The following PRKG2 variants were observed in gnomAD, a reference collection of about 807,000 sequenced individuals.
The protein encoded by PRKG2 is cGMP-dependent protein kinase 2.
In PRKG2, 33 loss-of-function variants were observed where a neutral mutation model predicts 97.2. That is an observed-to-expected ratio of 0.34 (90% CI 0.26 to 0.45). The LOEUF (loss-of-function observed/expected upper bound fraction) is 0.45. Ranked by LOEUF, PRKG2 falls within the 20% of genes least tolerant of loss-of-function variation. The pLI is 1.00. For synonymous variants in PRKG2, 330 were observed against 321.8 expected, an observed-to-expected ratio of 1.03 and a Z score of -0.27; for missense variants, 638 against 900.0, an observed-to-expected ratio of 0.71 and a Z score of 3.73.
At chr4:81,150,031 A>G (rs1399723838) in intron 8 of PRKG2, among the ~76,000 whole-genome samples, 1 of 152,138 alleles carries the variant, frequency 6.6e-6, no homozygotes, top group South Asian at 2.1e-4. Context: ...CTTCAGTTTC[A>G]TGGACCTTTG....
intron 14 of PRKG2, among the ~76,000 whole-genome samples, chr4:81,123,330 C>A (rs1011174926): frequency 1.3e-5 from 2 of 152,178 alleles, no homozygotes; most frequent in African/African-American, 4.8e-5. Flanking sequence ...GAATTCCACC[C>A]TTTTAATTCT....
Position 81,167,109 on chromosome 4 carries a change from T to C in PRKG2, c.912+52A>G. ...TTATTTATGGTGTTAATAATATAAG[T>C]ACATTCTAATATCTTCTAATGAAAT... On this transcript the variant is annotated intron_variant, in intron 6 of 18. Transcript: ENST00000264399. 7 of 1,204,840 alleles carry C rather than the reference T, an allele frequency of 5.8e-6. No homozygotes were observed. In the South Asian group the frequency reaches 8.3e-5, roughly 14 times the overall value. 74.6% of individuals were successfully genotyped at this position (1,204,840 alleles called of 1,614,324 possible).
intron 2 of PRKG2, among the ~76,000 whole-genome samples, chr4:81,182,408 G>A (rs1751495496): frequency 6.6e-6 from 1 of 151,858 alleles, no homozygotes; most frequent in South Asian, 2.1e-4. Context: ...TCCTTAATCT[G>A]ATAAAATACA....
chr4:81,153,672 C>T lies in PRKG2; in HGVS notation c.962G>A (p.Ser321Asn), dbSNP rs1448519875. 26 of 1,602,726 alleles carry T rather than the reference C, an allele frequency of 1.6e-5. No homozygotes were observed. Among genetic ancestry groups the T allele is most frequent in the African/African-American group, 2.7e-5 (2 of 74,674 alleles). Reference sequence around the variant, plus strand: ...TCCTTTTGCCAAAATGAAAAAGGTACTTCCTTCCTCGCCCTCTCTAATGAT... The same window carrying T: ...TCCTTTTGCCAAAATGAAAAAGGTATTTCCTTCCTCGCCCTCTCTAATGAT... ...DYIIREGEEGSTFFILAKGKV... is the reference protein window; with the variant it reads ...DYIIREGEEGNTFFILAKGKV... The change falls in exon 7 of 19, where the codon AGT becomes AAT. Residue 321 changes from serine to asparagine, a missense_variant. Ser to Asn is a conservative substitution (Grantham distance 46). This residue lies in a region of PRKG2 where 332 missense variants were observed against 421.7 expected (regional missense o/e 0.79). Transcript: ENST00000264399.
rs541324561 is a variant in PRKG2 at position 81,119,465 on chromosome 4, C to T, written c.1777-8854G>A. Among the ~76,000 whole-genome samples, 6 of 152,204 alleles carry T rather than the reference C, an allele frequency of 3.9e-5. No individual in the cohort carries two copies. The South Asian group carries it at 1.2e-3, about 32-fold the overall frequency. ...GGGCTCTATATTTTGTTCCATTGAT[C>T]TATTTGTCTTTCCTTTTGTCAATTC... On this transcript the variant is annotated intron_variant, in intron 14 of 18. Transcript: ENST00000264399.
At chr4:81,177,615 G>A (rs998440340) in intron 2 of PRKG2, among the ~76,000 whole-genome samples, 2 of 152,070 alleles carry the variant, frequency 1.3e-5, no homozygotes, top group African/African-American at 2.4e-5. Context: ...CAGGAGAATG[G>A]CGTGAACCCA....
At chr4:81,153,774 C>G (rs1578431315) in intron 6 of PRKG2, 53 bp from the exon 7 acceptor site, 2 of 1,295,684 alleles carry the variant, frequency 1.5e-6, no homozygotes, top group Admixed American at 1.7e-5. Context: ...CCAAGATGGC[C>G]TAATAGGAAC....
At chr4:81,109,528 T>A (rs1743692344) in intron 15 of PRKG2, among the ~76,000 whole-genome samples, 3 of 152,192 alleles carry the variant, frequency 2.0e-5, no homozygotes. Context: ...AGAAGGAAGG[T>A]GCGTCACATT....
chr4:81,118,672 A>G (rs1443684056), intron 14 of PRKG2, among the ~76,000 whole-genome samples: 5 of 152,150 alleles, frequency 3.3e-5, no homozygotes, highest in Admixed American at 3.3e-4. Flanking sequence ...AAAGCATTTT[A>G]TATATTTTTA....
intron 2 of PRKG2, among the ~76,000 whole-genome samples, chr4:81,204,312 T>C (rs1161051689): frequency 6.6e-6 from 1 of 152,146 alleles, no homozygotes; most frequent in African/African-American, 2.4e-5. Context: ...GTACACTTTC[T>C]AATACTATTT....
At chr4:81,173,251 C>G (rs1325588346) in intron 3 of PRKG2, among the ~76,000 whole-genome samples, 1 of 152,150 alleles carries the variant, frequency 6.6e-6, no homozygotes, top group Non-Finnish European at 1.5e-5. Context: ...TTGGGTGACA[C>G]TACAATTAAT....
chr4:81,109,852 A>G (rs1274760504), intron 15 of PRKG2, among the ~76,000 whole-genome samples: 1 of 152,172 alleles, frequency 6.6e-6, no homozygotes, highest in Non-Finnish European at 1.5e-5. Context: ...TCCTGGATTC[A>G]CTAACACAGT....
At chr4:81,106,329 GT>G (rs1359612117) in intron 15 of PRKG2, among the ~76,000 whole-genome samples, 1 of 152,192 alleles carries the variant, frequency 6.6e-6, no homozygotes, top group Non-Finnish European at 1.5e-5. Context: ...ATGGCAGACA[GT>G]TCTAAGACAG....
At chr4:81,193,245 G>A (rs1227132428) in intron 2 of PRKG2, 1 of 152,026 alleles carries the variant, frequency 6.6e-6, no homozygotes, top group African/African-American at 2.4e-5. Context: ...ATATGGTAAG[G>A]CATATTTGTG....
At chr4:81,136,355 T>C (rs931750543) in intron 13 of PRKG2, among the ~76,000 whole-genome samples, 1 of 152,200 alleles carries the variant, frequency 6.6e-6, no homozygotes. Context: ...TCATAACCTC[T>C]GGCATTAGGG....
intron 5 of PRKG2, among the ~76,000 whole-genome samples, chr4:81,167,714 A>G (rs577354298): frequency 1.3e-5 from 2 of 152,186 alleles, no homozygotes; most frequent in South Asian, 2.1e-4. Flanking sequence ...ATCTCTGATT[A>G]TTAGTCATAC....
intron 11 of PRKG2, among the ~76,000 whole-genome samples, chr4:81,141,746 G>C (rs1747310647): frequency 1.3e-5 from 2 of 152,146 alleles, no homozygotes; most frequent in Non-Finnish European, 1.5e-5. Flanking sequence ...TCTCAGCTTT[G>C]TTAATTGAAT....
intron 14 of PRKG2, among the ~76,000 whole-genome samples, chr4:81,125,781 G>A (rs1429138541): frequency 6.6e-6 from 1 of 152,180 alleles, no homozygotes; most frequent in Non-Finnish European, 1.5e-5. Context: ...ATCTTTTTAA[G>A]TAGGTATGAA....
At chr4:81,167,286 T>A (rs947014715) in intron 5 of PRKG2, 62 bp from the exon 6 acceptor site, 1 of 1,050,496 alleles carries the variant, frequency 9.5e-7, no homozygotes, top group Admixed American at 2.8e-5. Context: ...TATACACATA[T>A]GCAGATTCTA....
Sources: allele counts gnomAD v4.1 joint callset (sites outside exome capture counted in the v4.1 genomes callset), GRCh38; gene constraint gnomAD v4.1.1; regional missense constraint gnomAD v4.1.1; transcripts MANE v1.5; gene names NCBI Gene and HGNC (gene_info 2026-07-23, HGNC 2026-07-21).